RCSD1: variants seen among roughly 807,000 people sequenced by gnomAD.
RCSD1 encodes the protein RCSD domain containing 1.
Under a neutral mutation model 42.5 loss-of-function variants are expected in RCSD1, and 26 were observed. That is an observed-to-expected ratio of 0.61 (90% CI 0.45 to 0.85). The LOEUF is 0.85. Among genes scored for constraint, RCSD1 ranks in the 40% least tolerant of loss-of-function variants. The pLI, the probability that RCSD1 is intolerant of heterozygous loss-of-function variation, is 0.00. For missense variants in RCSD1, 571 were observed against 528.3 expected, an observed-to-expected ratio of 1.08 and a Z score of -0.79; for synonymous variants, 220 against 212.2, an observed-to-expected ratio of 1.04 and a Z score of -0.32.
At chr1:167,700,796 G>A (rs1395216130) in intron 6 of RCSD1, among the ~76,000 whole-genome samples, 2 of 152,150 alleles carry the variant, frequency 1.3e-5, no homozygotes, top group Non-Finnish European at 2.9e-5. Context: ...CCTTTTTGAG[G>A]ATGAAGTCAC....
At chr1:167,702,598 G>A (rs1293015362) in intron 6 of RCSD1, among the ~76,000 whole-genome samples, 3 of 152,132 alleles carry the variant, frequency 2.0e-5, no homozygotes, top group Non-Finnish European at 4.4e-5. Context: ...GGCCAACATG[G>A]TGAAACCCTG....
Position 167,694,147 on chromosome 1 carries a change from A to G in RCSD1, c.319A>G (p.Lys107Glu). Residue 107 changes from lysine (K) to glutamate (E), a missense_variant, in exon 5 of 7, where the codon AAG becomes GAG. Coordinates refer to ENST00000367854, the MANE Select transcript of RCSD1 (RefSeq NM_052862.4). ...PAALLPGASP[K>E]SPGLKAMVSP... ...TGCTCTACTGCCTGGGGCCTCACCCAAGAGTCCTGGACTCAAGGCTATGGT... is the reference window on the plus strand; with the variant it reads ...TGCTCTACTGCCTGGGGCCTCACCCGAGAGTCCTGGACTCAAGGCTATGGT... 5 of 1,614,190 alleles carry G rather than the reference A, an allele frequency of 3.1e-6. No homozygotes were observed. Among genetic ancestry groups the G allele is most frequent in the African/African-American group, 1.3e-5 (1 of 75,056 alleles).
At chr1:167,664,188 C>A (rs1454930338) in intron 1 of RCSD1, 1 of 152,276 alleles carries the variant, frequency 6.6e-6, no homozygotes, top group Non-Finnish European at 1.5e-5. Flanking sequence ...GGGATCCAAA[C>A]CTGGTCTTGC....
intron 1 of RCSD1, among the ~76,000 whole-genome samples, chr1:167,638,027 A>G (rs932800156): frequency 2.6e-5 from 4 of 152,166 alleles, no homozygotes; most frequent in African/African-American, 9.7e-5. Context: ...GCATCTCACA[A>G]TGTGCCGCAG....
Position 167,630,721 on chromosome 1 carries a change from TAAAAAAAAAAAAAAA to T in RCSD1, c.6+310_6+324del, listed in dbSNP as rs71097689. On this transcript the variant is annotated intron_variant, in intron 1 of 6. Transcript: ENST00000367854. ...GTATTTTGGCTAGGAACTTAAATGC[TAAAAAAAAAAAAAAA>T]AAAAAAAAAAAAAAAAAGTTAGGTG... The T allele has an allele frequency of 6.0e-3, 195 of 32,606 alleles. 4 individuals are homozygous for T. The South Asian group carries it at 0.26, about 43-fold the overall frequency. 2.0% of individuals were successfully genotyped at this position (32,606 alleles called of 1,614,324 possible).
intron 1 of RCSD1, among the ~76,000 whole-genome samples, chr1:167,668,540 T>C (rs891942420): frequency 2.6e-5 from 4 of 152,068 alleles, no homozygotes; most frequent in Non-Finnish European, 5.9e-5. Context: ...CCTTTTCCTC[T>C]TCAGCATTTA....
At chr1:167,658,413 T>G (rs567704899) in intron 1 of RCSD1, among the ~76,000 whole-genome samples, 14 of 152,198 alleles carry the variant, frequency 9.2e-5, no homozygotes, top group African/African-American at 2.4e-4. Context: ...TTGGAGTTTT[T>G]TTGTTGTTGT....
chr1:167,700,298 T>C (rs1659606988), intron 6 of RCSD1, among the ~76,000 whole-genome samples: 1 of 152,172 alleles, frequency 6.6e-6, no homozygotes, highest in African/African-American at 2.4e-5. Context: ...TCATAAAGTA[T>C]GACTGAGACC....
intron 1 of RCSD1, 47 bp downstream of exon 1, chr1:167,630,476 A>G (rs775005626): frequency 4.3e-5 from 65 of 1,506,068 alleles, no homozygotes; most frequent in Non-Finnish European, 5.1e-5. Flanking sequence ...TGAGCGGTGT[A>G]TCGGGCGCCC....
intron 1 of RCSD1, among the ~76,000 whole-genome samples, chr1:167,668,866 G>A (rs1304198602): frequency 2.6e-5 from 4 of 152,154 alleles, no homozygotes; most frequent in Non-Finnish European, 5.9e-5. Flanking sequence ...AGGAAGCTCA[G>A]ATGTCAGTTT....
At chr1:167,647,892 T>A in intron 1 of RCSD1, among the ~76,000 whole-genome samples, 2 of 152,358 alleles carry the variant, frequency 1.3e-5, no homozygotes, top group South Asian at 4.1e-4. Flanking sequence ...TTTTAAGATT[T>A]GAAATTCATC....
chr1:167,648,214 A>G (rs1052009453), intron 1 of RCSD1, among the ~76,000 whole-genome samples: 2 of 152,228 alleles, frequency 1.3e-5, no homozygotes, highest in African/African-American at 4.8e-5. Flanking sequence ...ATAATTATTT[A>G]ATCATTTTTC....
At chr1:167,652,757 G>A (rs1317441792) in intron 1 of RCSD1, among the ~76,000 whole-genome samples, 1 of 152,056 alleles carries the variant, frequency 6.6e-6, no homozygotes, top group Non-Finnish European at 1.5e-5. Context: ...CTCCATGTGT[G>A]AGAAATGTTG....
At chr1:167,693,843 G>A (rs1410240263) in intron 4 of RCSD1, among the ~76,000 whole-genome samples, 1 of 151,660 alleles carries the variant, frequency 6.6e-6, no homozygotes, top group Non-Finnish European at 1.5e-5. Flanking sequence ...GGAAATTTTT[G>A]TTGGATCCTC....
rs1447487883 is a variant in RCSD1 at position 167,706,221 on chromosome 1, T to C, written c.*1525T>C. The C allele has an allele frequency of 6.6e-6, 1 of 152,236 alleles. No individual in the cohort carries two copies. The highest frequency in any genetic ancestry group is 1.5e-5 in the Non-Finnish European group (1 of 68,046). 9.4% of individuals were successfully genotyped at this position (152,236 alleles called of 1,614,324 possible). A position where few individuals can be genotyped will look rare whatever the true frequency, so the allele number is the denominator to read the frequency against. ...GGGACTGATATTGTCATAGCTATGA[T>C]AAACTTTGGATATTAGCAGAATTTG... On this transcript the variant is annotated 3_prime_UTR_variant, in exon 7 of 7. Coordinates refer to ENST00000367854, the MANE Select transcript of RCSD1 (RefSeq NM_052862.4).
chr1:167,632,058 G>A (rs1050737355), intron 1 of RCSD1, among the ~76,000 whole-genome samples: 3 of 152,240 alleles, frequency 2.0e-5, no homozygotes, highest in African/African-American at 7.2e-5. Flanking sequence ...CGCACACAGC[G>A]AAGCTCAGCA....
At chr1:167,654,195 A>G (rs1415748281) in intron 1 of RCSD1, among the ~76,000 whole-genome samples, 2 of 152,206 alleles carry the variant, frequency 1.3e-5, no homozygotes, top group Admixed American at 6.5e-5. Flanking sequence ...TGAAAGGGCC[A>G]TGTACACAAA....
chr1:167,662,696 A>G (rs2102215253), intron 1 of RCSD1, among the ~76,000 whole-genome samples: 1 of 152,344 alleles, frequency 6.6e-6, no homozygotes, highest in Admixed American at 6.5e-5. Flanking sequence ...TAAGAAAGGC[A>G]GGGAGTTCCA....
intron 1 of RCSD1, among the ~76,000 whole-genome samples, chr1:167,675,074 C>T (rs997579119): frequency 6.6e-6 from 1 of 151,872 alleles, no homozygotes; most frequent in Admixed American, 6.6e-5. Context: ...GGCCTGGTGG[C>T]ACGTGCCTGT....
Sources: gnomAD v4.1 joint callset for allele counts (sites outside exome capture counted in the v4.1 genomes callset) on GRCh38, gnomAD v4.1.1 for gene constraint, MANE v1.5 for transcripts, NCBI Gene and HGNC (gene_info 2026-07-23, HGNC 2026-07-21) for gene names.